Variants in NUCB2 observed in about 807,000 individuals in gnomAD.
NUCB2 encodes nucleobindin-2.
NUCB2 carries 48 observed loss-of-function variants against 57.9 expected under a neutral mutation model. That is an observed-to-expected ratio of 0.83 (90% CI 0.66 to 1.05). The LOEUF is 1.05. NUCB2 is among the 50% of genes least tolerant of loss of function. NUCB2 has a pLI of 0.00. For synonymous variants in NUCB2, 139 were observed against 152.1 expected (o/e 0.91, Z 0.64); for missense variants, 442 against 476.2 (o/e 0.93, Z 0.67).
intron 4 of NUCB2, among the ~76,000 whole-genome samples, chr11:17,301,468 C>T (rs1403544857): frequency 3.4e-5 from 5 of 146,850 alleles, no homozygotes; most frequent in Admixed American, 1.4e-4. Flanking sequence ...TTAGTAGAGA[C>T]GGTATTTCGC....
chr11:17,281,161 T>C (rs927253260), intron 1 of NUCB2, among the ~76,000 whole-genome samples: 6 of 151,790 alleles, frequency 4.0e-5, no homozygotes, highest in African/African-American at 1.5e-4. Flanking sequence ...ACAGGGTCTT[T>C]CTCTGTCATC....
At chr11:17,326,479 G>A (rs938498385) in intron 11 of NUCB2, among the ~76,000 whole-genome samples, 18 of 148,352 alleles carry the variant, frequency 1.2e-4, no homozygotes, top group Admixed American at 1.1e-3. Context: ...CACCACACGC[G>A]GCTAATTTTT....
chr11:17,341,634 G>A (rs1366811496), intron 2 of NUCB2, among the ~76,000 whole-genome samples: 2 of 152,186 alleles, frequency 1.3e-5, no homozygotes, highest in African/African-American at 2.4e-5. Flanking sequence ...ATTTGCGTAT[G>A]TTGAACCAGC....
At position 17,312,057 on chromosome 11, in the gene NUCB2, A is replaced by C. The variant is rs755669283; in HGVS notation, c.849A>C (p.Glu283Asp). The change falls in exon 10 of 14, where the codon GAA (glutamate) becomes GAC (aspartate). Residue 283 changes from glutamate (E) to aspartate (D), a missense_variant. Physicochemically the swap from Glu to Asp is conservative, Grantham distance 45 (BLOSUM62 2). Coordinates refer to ENST00000529010, the MANE Select transcript of NUCB2 (RefSeq NM_005013.4). Reference sequence around the variant, plus strand: ...AGAAAGTATATGACCCTAAAAATGAAGAGGATGATATGGTAGAAATGGAAG... The same window carrying C: ...AGAAAGTATATGACCCTAAAAATGACGAGGATGATATGGTAGAAATGGAAG... ...ELEKVYDPKN[E>D]EDDMVEMEEE... 2 of 1,587,944 alleles carry C rather than the reference A, an allele frequency of 1.3e-6. No individual in the cohort carries two copies. The highest frequency in any genetic ancestry group is 1.7e-6 in the Non-Finnish European group (2 of 1,167,954).
intron 2 of NUCB2, among the ~76,000 whole-genome samples, chr11:17,349,066 C>G (rs746885282): frequency 3.3e-5 from 5 of 152,212 alleles, no homozygotes; most frequent in Non-Finnish European, 7.3e-5. Context: ...AGGTGTGAGC[C>G]ACCGCGCCCA....
At chr11:17,294,829 C>CTGAGGATCAT (rs2138396391) in intron 2 of NUCB2, among the ~76,000 whole-genome samples, 1 of 152,226 alleles carries the variant, frequency 6.6e-6, no homozygotes, top group South Asian at 2.1e-4. Context: ...GGGCGGATCA[C>CTGAGGATCAT]CTGAGGTCAG....
intron 2 of NUCB2, 113 bp downstream of exon 2, chr11:17,283,056 G>A (rs916385032): frequency 3.2e-4 from 45 of 140,156 alleles, no homozygotes; most frequent in African/African-American, 1.1e-3. Flanking sequence ...GCTTAAACAT[G>A]CAATATTTAT....
At chr11:17,348,568 G>A (rs1952960806) in intron 2 of NUCB2, among the ~76,000 whole-genome samples, 1 of 151,826 alleles carries the variant, frequency 6.6e-6, no homozygotes, top group African/African-American at 2.4e-5. Flanking sequence ...CCAAACTCCT[G>A]AGCTCAAGTG....
At chr11:17,277,500 AAAG>A (rs1311420620) in intron 1 of NUCB2, among the ~76,000 whole-genome samples, 2 of 151,998 alleles carry the variant, frequency 1.3e-5, no homozygotes, top group African/African-American at 2.4e-5. Flanking sequence ...AGAGGGAGGG[AAAG>A]AAGGAGAGAG....
chr11:17,342,936 G>C (rs1342980204), intron 2 of NUCB2, among the ~76,000 whole-genome samples: 1 of 152,078 alleles, frequency 6.6e-6, no homozygotes, highest in Non-Finnish European at 1.5e-5. Context: ...CATTATTATT[G>C]TGTGGGAGTC....
At chr11:17,277,667 C>T (rs1335501669) in intron 1 of NUCB2, among the ~76,000 whole-genome samples, 4 of 152,190 alleles carry the variant, frequency 2.6e-5, no homozygotes, top group Non-Finnish European at 2.9e-5. Flanking sequence ...AAGCCTGCTA[C>T]TAAGGCTCTG....
chr11:17,281,847 TTTTA>T (rs1280961500), intron 1 of NUCB2, among the ~76,000 whole-genome samples: 2 of 151,758 alleles, frequency 1.3e-5, no homozygotes, highest in East Asian at 3.9e-4. Flanking sequence ...TTTGAAAATA[TTTTA>T]TTTGCTTTTT....
exon 3 of NUCB2, chr11:17,349,375 G>A (rs1234132052): frequency 6.6e-6 from 1 of 152,186 alleles, no homozygotes; most frequent in Non-Finnish European, 1.5e-5. Flanking sequence ...AGCTGGTAGA[G>A]GTTTCACGAG....
chr11:17,302,172 C>T (rs1946861980), intron 5 of NUCB2, among the ~76,000 whole-genome samples: 1 of 152,158 alleles, frequency 6.6e-6, no homozygotes, highest in South Asian at 2.1e-4. Context: ...GGATTACAGG[C>T]ATGAGCTGGC....
chr11:17,301,299 A>T, intron 4 of NUCB2, among the ~76,000 whole-genome samples: 1 of 81,592 alleles, frequency 1.2e-5, no homozygotes, highest in African/African-American at 5.6e-5. Context: ...TTTTTTTGAG[A>T]CAGAGTCTCG....
chr11:17,328,250 C>G (rs1329019935), intron 11 of NUCB2, among the ~76,000 whole-genome samples: 2 of 152,202 alleles, frequency 1.3e-5, no homozygotes, highest in Non-Finnish European at 2.9e-5. Flanking sequence ...CAAATGGTCT[C>G]TCTCTCTGTG....
intron 1 of NUCB2, among the ~76,000 whole-genome samples, chr11:17,281,257 C>T (rs1942505460): frequency 6.6e-6 from 1 of 151,806 alleles, no homozygotes; most frequent in Non-Finnish European, 1.5e-5. Flanking sequence ...GCTGGGACTA[C>T]AGGTGCACAC....
In NUCB2 at chr11:17,330,868, G is replaced by C. The variant is rs1447902800; in HGVS notation, c.1174-34G>C. On this transcript the variant is annotated intron_variant, in intron 12 of 13. Transcript: ENST00000529010. This position sits in a 1 kb window ranked among gnomAD's most constrained non-coding sequence, Gnocchi z 4.3. ...GGTCACACATATGATAGAAAATCAAGTTATACTTTTAACTTTCATTTTCCA... is the reference window on the plus strand; with the variant it reads ...GGTCACACATATGATAGAAAATCAACTTATACTTTTAACTTTCATTTTCCA... 8.0e-7 allele frequency: 1 copy of C among 1,253,676 alleles called. No individual in the cohort carries two copies. Among genetic ancestry groups the C allele is most frequent in the Non-Finnish European group, 1.2e-6 (1 of 852,004 alleles). 77.7% of individuals were successfully genotyped at this position (1,253,676 alleles called of 1,614,324 possible).
At chr11:17,282,232 C>CTA (rs1286645229) in intron 1 of NUCB2, among the ~76,000 whole-genome samples, 59 of 58,406 alleles carry the variant, frequency 1.0e-3, no homozygotes, top group African/African-American at 1.7e-3. Flanking sequence ...ATCTATCTAT[C>CTA]TATCTATATA....
Sources: gnomAD v4.1 joint callset for allele counts (sites outside exome capture counted in the v4.1 genomes callset) on GRCh38, gnomAD v4.1.1 for gene constraint, Gnocchi (gnomAD v3.1) non-coding constraint, MANE v1.5 for transcripts, NCBI Gene and HGNC (gene_info 2026-07-23, HGNC 2026-07-21) for gene names.